Variants in RASSF3 observed in about 807,000 individuals in gnomAD.
The protein encoded by RASSF3 is ras association domain-containing protein 3.
In RASSF3, 19 loss-of-function variants were observed where a neutral mutation model predicts 19.9. The ratio of observed to expected loss-of-function variants is 0.96; its 90% confidence interval spans 0.67 to 1.40. The LOEUF is 1.40. RASSF3 is among the 40% of genes most tolerant of loss of function. The probability of loss-of-function intolerance (pLI) is 0.00; values close to 1 mark genes in which losing one functional copy is unlikely to be tolerated. For missense variants in RASSF3, 306 were observed against 289.8 expected, an observed-to-expected ratio of 1.06 and a Z score of -0.41; for synonymous variants, 110 against 104.2, an observed-to-expected ratio of 1.06 and a Z score of -0.34.
downstream of RASSF3, among the ~76,000 whole-genome samples, chr12:64,542,437 T>TC (rs1266085234): frequency 6.6e-6 from 1 of 152,212 alleles, no homozygotes; most frequent in Non-Finnish European, 1.5e-5. Context: ...TAGTAGATCC[T>TC]CAACCTGGTT....
chr12:64,662,491 T>C (rs1031894892), intron 1 of RASSF3, among the ~76,000 whole-genome samples: 2 of 148,040 alleles, frequency 1.4e-5, no homozygotes, highest in Non-Finnish European at 3.0e-5. Flanking sequence ...AAGAAGTAAA[T>C]AAAAGAGGTT....
rs552725779 is a variant in RASSF3, at chr12:64,662,419, TCAAA to T, written c.112-22363_112-22360del. ...CTGGGTGACAGATTGAGACCCTGTC[TCAAA>T]CAAAGAAACAAAAACAAGATAAATG... On this transcript the variant is annotated intron_variant, in intron 1 of 4. Transcript: ENST00000542104. Among the ~76,000 whole-genome samples the T allele has an allele frequency of 1.5e-3, 224 of 151,808 alleles. 1 individual carries two copies. Among genetic ancestry groups the T allele is most frequent in the African/African-American group, 5.1e-3 (212 of 41,350 alleles).
chr12:64,539,938 G>C (rs1032723396), intron 1 of RASSF3, among the ~76,000 whole-genome samples: 2 of 152,028 alleles, frequency 1.3e-5, no homozygotes, highest in Non-Finnish European at 2.9e-5. Context: ...CTGTATGATA[G>C]AATATTGTGG....
intron 1 of RASSF3, among the ~76,000 whole-genome samples, chr12:64,527,629 T>A (rs1440373178): frequency 6.6e-6 from 1 of 152,216 alleles, no homozygotes; most frequent in Non-Finnish European, 1.5e-5. Flanking sequence ...ATTACATTTT[T>A]AAAACATTAA....
chr12:64,572,254 G>A (rs998172105), intron 2 of RASSF3, among the ~76,000 whole-genome samples: 1 of 151,812 alleles, frequency 6.6e-6, no homozygotes, highest in Non-Finnish European at 1.5e-5. Context: ...GAGACAATTC[G>A]ATTTAGATGA....
upstream of RASSF3, among the ~76,000 whole-genome samples, chr12:64,607,285 A>T (rs965154844): frequency 6.6e-6 from 1 of 152,108 alleles, no homozygotes; most frequent in Non-Finnish European, 1.5e-5. Flanking sequence ...CTCAAAAAAA[A>T]AAAAAGCTAC....
At chr12:64,684,431 G>GTTTTTTTTTT (rs146721078) in intron 1 of RASSF3, among the ~76,000 whole-genome samples, 8 of 121,508 alleles carry the variant, frequency 6.6e-5, no homozygotes, top group East Asian at 2.3e-4. Flanking sequence ...TTGTTTGTTT[G>GTTTTTTTTTT]TTTGTTTTTT....
chr12:64,512,300 C>T (rs538172638), intron 1 of RASSF3, among the ~76,000 whole-genome samples: 1 of 152,266 alleles, frequency 6.6e-6, no homozygotes, highest in South Asian at 2.1e-4. Context: ...AAAATCTGTT[C>T]TATATTTAGT....
rs1317482244 is a variant in RASSF3 at position 64,672,975 on chromosome 12, C to T, written c.112-11812C>T. Among the ~76,000 whole-genome samples the T allele has an allele frequency of 3.3e-5, 5 of 152,176 alleles. No homozygotes were observed. The East Asian group carries it at 5.8e-4, about 18-fold the overall frequency. On this transcript the variant is annotated intron_variant, in intron 1 of 4. Transcript: ENST00000542104. Reference sequence around the variant, plus strand: ...GGCTGAGTTTCCCAGATGGGCTCCACCTGCCTCCTCCTCGGTTGCTGCAGC... The same window carrying T: ...GGCTGAGTTTCCCAGATGGGCTCCATCTGCCTCCTCCTCGGTTGCTGCAGC...
chr12:64,545,724 T>A (rs1384989978), downstream of RASSF3, among the ~76,000 whole-genome samples: 1 of 152,170 alleles, frequency 6.6e-6, no homozygotes, highest in Admixed American at 6.5e-5. Context: ...GCCCAGGAGT[T>A]CGAGACCAGC....
intron 1 of RASSF3, among the ~76,000 whole-genome samples, chr12:64,635,598 T>C (rs560437661): frequency 5.3e-5 from 8 of 152,222 alleles, no homozygotes; most frequent in Non-Finnish European, 1.0e-4. Context: ...TGTGGTACAG[T>C]TATTAGAAGA....
intron 1 of RASSF3, among the ~76,000 whole-genome samples, chr12:64,510,702 G>A (rs551125475): frequency 3.3e-4 from 50 of 152,278 alleles, no homozygotes; most frequent in East Asian, 5.8e-4. Context: ...AAGGAAAGTC[G>A]TAAATCTGAA....
chr12:64,589,187 C>T (rs1227433078), intron 2 of RASSF3, among the ~76,000 whole-genome samples: 2 of 152,214 alleles, frequency 1.3e-5, no homozygotes, highest in African/African-American at 4.8e-5. Context: ...CAGTGGCTCA[C>T]GCCTATAATC....
At position 64,688,426 on chromosome 12, in the gene RASSF3, T is replaced by A; in HGVS notation, c.430T>A (p.Tyr144Asn). The change falls in exon 3 of 5, where the codon TAT (tyrosine) becomes AAT (asparagine). Residue 144 changes from tyrosine to asparagine, a missense_variant. Transcript: ENST00000542104. ...TGAGAGCCCTGCCAAGTTTGCACTT[T>A]ATAAGCGTTGTCACAGGGAAGACCA... ...VTESPAKFALYKRCHREDQVY... is the reference protein window; with the variant it reads ...VTESPAKFALNKRCHREDQVY... 6.2e-7 allele frequency: 1 copy of A among 1,614,106 alleles called. No individual in the cohort carries two copies. Among genetic ancestry groups the A allele is most frequent in the Non-Finnish European group, 8.5e-7 (1 of 1,179,942 alleles).
At chr12:64,612,411 A>C (rs909884962) in intron 1 of RASSF3, among the ~76,000 whole-genome samples, 3 of 151,642 alleles carry the variant, frequency 2.0e-5, no homozygotes, top group African/African-American at 7.3e-5. Context: ...GAATTGTATG[A>C]GAATCCTTTA....
chr12:64,661,088 A>C (rs987395169), intron 1 of RASSF3, among the ~76,000 whole-genome samples: 1 of 152,196 alleles, frequency 6.6e-6, no homozygotes, highest in Non-Finnish European at 1.5e-5. Flanking sequence ...TGCTGGAGGC[A>C]TTGGGTTCAG....
chr12:64,631,529 C>T (rs545759760), intron 1 of RASSF3, among the ~76,000 whole-genome samples: 26 of 143,976 alleles, frequency 1.8e-4, no homozygotes, highest in Admixed American at 4.3e-4. Context: ...GTGTTGTCAT[C>T]GTATGTAATG....
At chr12:64,681,984 G>A (rs1012264521) in intron 1 of RASSF3, among the ~76,000 whole-genome samples, 1 of 152,208 alleles carries the variant, frequency 6.6e-6, no homozygotes, top group Non-Finnish European at 1.5e-5. Context: ...TAGCCTGGGT[G>A]ATAAAGTGAG....
chr12:64,689,084 G>T (rs938131813), intron 3 of RASSF3, among the ~76,000 whole-genome samples: 3 of 152,116 alleles, frequency 2.0e-5, no homozygotes, highest in African/African-American at 7.2e-5. Flanking sequence ...ACATTCAGGG[G>T]ATAGAAAGAG....
Sources: allele counts gnomAD v4.1 joint callset (sites outside exome capture counted in the v4.1 genomes callset), GRCh38; gene constraint gnomAD v4.1.1; transcripts MANE v1.5; gene names NCBI Gene and HGNC (gene_info 2026-07-23, HGNC 2026-07-21).